Variants in RHOU observed in about 807,000 individuals in gnomAD.
The protein encoded by RHOU is ras homolog family member U, also known as rho-related GTP-binding protein RhoU.
In RHOU, 8 loss-of-function variants were observed where a neutral mutation model predicts 12.6. The observed-to-expected ratio is 0.64, with a 90% CI of 0.37 to 1.15. The LOEUF (loss-of-function observed/expected upper bound fraction) is 1.15. Ranked by LOEUF, RHOU falls within the 50% of genes most tolerant of loss-of-function variation. The pLI is 0.01. For missense variants in RHOU, 258 were observed against 347.0 expected (o/e 0.74, Z 2.04); for synonymous variants, 161 against 147.4 (o/e 1.09, Z -0.67).
upstream of RHOU, among the ~76,000 whole-genome samples, chr1:228,733,091 G>C (rs548692525): frequency 3.9e-5 from 6 of 152,268 alleles, no homozygotes; most frequent in South Asian, 1.2e-3. Flanking sequence ...TCACACACAG[G>C]TGAACTTGCT....
chr1:228,714,108 CA>C, the RHOU span, among the ~76,000 whole-genome samples: 3 of 152,106 alleles, frequency 2.0e-5, no homozygotes, highest in African/African-American at 7.2e-5. Context: ...GTATTAATTG[CA>C]TTAATGGGTT....
At chr1:228,655,254 C>T in the RHOU span, among the ~76,000 whole-genome samples, 525 of 152,088 alleles carry the variant, frequency 3.5e-3, 4 homozygotes, top group African/African-American at 0.012. Context: ...CAGGTACCCA[C>T]CACCATACCC....
the RHOU span, among the ~76,000 whole-genome samples, chr1:228,681,618 C>T: frequency 4.6e-5 from 7 of 152,078 alleles, no homozygotes; most frequent in South Asian, 2.1e-4. Flanking sequence ...ATCTAGGTCT[C>T]GTGGGATGGA....
chr1:228,673,822 AG>A, the RHOU span, among the ~76,000 whole-genome samples: 1 of 152,224 alleles, frequency 6.6e-6, no homozygotes, highest in African/African-American at 2.4e-5. Context: ...AGACTAATAC[AG>A]GGTGTTTACA....
chr1:228,672,212 G>A, the RHOU span, among the ~76,000 whole-genome samples: 1 of 152,154 alleles, frequency 6.6e-6, no homozygotes, highest in East Asian at 1.9e-4. Context: ...TTGTTGCCCA[G>A]GCTGGAGTGC....
chr1:228,721,792 C>T, the RHOU span, among the ~76,000 whole-genome samples: 1 of 152,200 alleles, frequency 6.6e-6, no homozygotes. Flanking sequence ...TCCTAAGTAG[C>T]TGGGATTACA....
At chr1:228,651,538 G>A in the RHOU span, among the ~76,000 whole-genome samples, 10 of 152,214 alleles carry the variant, frequency 6.6e-5, no homozygotes, top group Non-Finnish European at 1.5e-4. Context: ...ACTTCACACA[G>A]ACCTCAGGGT....
chr1:228,715,241 A>T, the RHOU span, among the ~76,000 whole-genome samples: 5 of 151,992 alleles, frequency 3.3e-5, no homozygotes, highest in African/African-American at 1.2e-4. Flanking sequence ...GATTAAGGCT[A>T]TGAATTTCCC....
the RHOU span, among the ~76,000 whole-genome samples, chr1:228,656,415 C>A: frequency 6.6e-6 from 1 of 152,272 alleles, no homozygotes; most frequent in African/African-American, 2.4e-5. Flanking sequence ...TTAAAAATTA[C>A]GCTTTTCCCA....
chr1:228,650,541 G>C, the RHOU span: 4 of 456,870 alleles, frequency 8.8e-6, no homozygotes, highest in South Asian at 6.2e-5. Flanking sequence ...TGTGCGAGGA[G>C]AGTGCCCGGC....
At chr1:228,654,924 A>G in the RHOU span, among the ~76,000 whole-genome samples, 1 of 152,182 alleles carries the variant, frequency 6.6e-6, no homozygotes, top group Non-Finnish European at 1.5e-5. Flanking sequence ...CTGTACCTGA[A>G]CAATTTTTCT....
the RHOU span, among the ~76,000 whole-genome samples, chr1:228,678,031 G>A: frequency 6.6e-6 from 1 of 152,150 alleles, no homozygotes; most frequent in African/African-American, 2.4e-5. Context: ...TTCTGACTCG[G>A]GGCATGTGAG....
chr1:228,690,370 G>C, the RHOU span, among the ~76,000 whole-genome samples: 1 of 151,890 alleles, frequency 6.6e-6, no homozygotes, highest in African/African-American at 2.4e-5. Flanking sequence ...TTGTTTCCCA[G>C]GCTGGAGTGC....
At chr1:228,711,616 C>T in the RHOU span, among the ~76,000 whole-genome samples, 1 of 152,224 alleles carries the variant, frequency 6.6e-6, no homozygotes, top group Non-Finnish European at 1.5e-5. Context: ...ATGTAGAAAG[C>T]TGAAACTGGA....
At chr1:228,707,328 C>T in the RHOU span, among the ~76,000 whole-genome samples, 4 of 142,590 alleles carry the variant, frequency 2.8e-5, no homozygotes, top group African/African-American at 5.3e-5. Context: ...AGAATGGTCT[C>T]GCAAGATGGC....
the RHOU span, among the ~76,000 whole-genome samples, chr1:228,689,414 C>T: frequency 1.3e-5 from 2 of 152,172 alleles, no homozygotes; most frequent in African/African-American, 4.8e-5. Flanking sequence ...ACATCAGTAG[C>T]TGTAATCAAG....
chr1:228,678,295 A>T, the RHOU span, among the ~76,000 whole-genome samples: 1 of 152,174 alleles, frequency 6.6e-6, no homozygotes, highest in Admixed American at 6.5e-5. Flanking sequence ...CTGGAAGGAG[A>T]TATTTTCCTT....
the RHOU span, among the ~76,000 whole-genome samples, chr1:228,714,121 C>T: frequency 6.6e-6 from 1 of 152,108 alleles, no homozygotes; most frequent in South Asian, 2.1e-4. Flanking sequence ...TAATGGGTTT[C>T]CTAATATTCC....
chr1:228,686,971 C>T, the RHOU span, among the ~76,000 whole-genome samples: 1 of 152,040 alleles, frequency 6.6e-6, no homozygotes, highest in Non-Finnish European at 1.5e-5. Context: ...AACTCCTGAC[C>T]TTAGGTGATT....
Sources: gnomAD v4.1 joint callset for allele counts (sites outside exome capture counted in the v4.1 genomes callset) on GRCh38, gnomAD v4.1.1 for gene constraint, MANE v1.5 for transcripts, NCBI Gene and HGNC (gene_info 2026-07-23, HGNC 2026-07-21) for gene names.